The following ARHGAP10 variants were observed in gnomAD, a reference collection of about 807,000 sequenced individuals.
ARHGAP10 encodes Rho GTPase activating protein 10.
Under a neutral mutation model 108.6 loss-of-function variants are expected in ARHGAP10, and 87 were observed. That is an observed-to-expected ratio of 0.80 (90% CI 0.67 to 0.96). The LOEUF is 0.96. Ranked by LOEUF, ARHGAP10 falls within the 40% of genes least tolerant of loss-of-function variation. ARHGAP10 has a pLI of 0.00. For missense variants in ARHGAP10, 939 were observed against 954.5 expected (o/e 0.98, Z 0.21); for synonymous variants, 347 against 341.1 (o/e 1.02, Z -0.19).
At chr4:147,924,334 C>CT (rs1194033606) in intron 13 of ARHGAP10, among the ~76,000 whole-genome samples, 1 of 152,050 alleles carries the variant, frequency 6.6e-6, no homozygotes, top group Non-Finnish European at 1.5e-5. Flanking sequence ...TGTCCAGTGA[C>CT]TGTTTTTTTT....
chr4:147,949,295 C>G (rs1189189737), intron 15 of ARHGAP10, among the ~76,000 whole-genome samples: 6 of 152,190 alleles, frequency 3.9e-5, no homozygotes, highest in Non-Finnish European at 8.8e-5. Flanking sequence ...AAAAATGAAT[C>G]TTGTTACTCC....
At chr4:147,792,493 T>A (rs536154635) in intron 1 of ARHGAP10, among the ~76,000 whole-genome samples, 41 of 152,306 alleles carry the variant, frequency 2.7e-4, no homozygotes, top group Non-Finnish European at 5.4e-4. Context: ...GCTTTATTTA[T>A]AATATAATGA....
intron 19 of ARHGAP10, among the ~76,000 whole-genome samples, chr4:148,035,086 G>A (rs1728314932): frequency 1.3e-5 from 2 of 152,160 alleles, no homozygotes; most frequent in Non-Finnish European, 2.9e-5. Flanking sequence ...GTTGTAACCT[G>A]ATGCCTATTA....
intron 1 of ARHGAP10, among the ~76,000 whole-genome samples, chr4:147,805,622 A>G (rs144893967): frequency 2.0e-5 from 3 of 152,288 alleles, no homozygotes; most frequent in African/African-American, 4.8e-5. Flanking sequence ...TTAAAAAACT[A>G]GTTCTTAGAA....
intron 18 of ARHGAP10, among the ~76,000 whole-genome samples, chr4:148,000,322 A>G (rs1044658570): frequency 1.3e-5 from 2 of 152,126 alleles, no homozygotes; most frequent in Non-Finnish European, 2.9e-5. Flanking sequence ...AATCCAGTCT[A>G]TCATTGATGG....
chr4:147,811,583 CT>C (rs66576812), intron 1 of ARHGAP10, among the ~76,000 whole-genome samples: 100,859 of 148,490 alleles, frequency 0.68, 39,377 homozygotes, highest in Non-Finnish European at 0.86. Context: ...TATGCAATGG[CT>C]TTTTTTAAAA....
intron 18 of ARHGAP10, among the ~76,000 whole-genome samples, chr4:147,992,076 C>G (rs1578767545): frequency 6.6e-6 from 1 of 152,290 alleles, no homozygotes; most frequent in Non-Finnish European, 1.5e-5. Context: ...TCTTATGTCA[C>G]TGGATTAATT....
intron 7 of ARHGAP10, among the ~76,000 whole-genome samples, chr4:147,869,125 T>A (rs1341368691): frequency 6.6e-6 from 1 of 152,110 alleles, no homozygotes; most frequent in Non-Finnish European, 1.5e-5. Context: ...GCCCCTTATT[T>A]AGAGATAATT....
chr4:147,923,564 G>A (rs1441726071), intron 13 of ARHGAP10, among the ~76,000 whole-genome samples: 2 of 152,176 alleles, frequency 1.3e-5, no homozygotes, highest in East Asian at 3.8e-4. Flanking sequence ...GCATTAAAAT[G>A]TCGATCTAGG....
intron 4 of ARHGAP10, among the ~76,000 whole-genome samples, chr4:147,855,604 G>C (rs1304188599): frequency 2.6e-5 from 4 of 151,470 alleles, no homozygotes; most frequent in Admixed American, 2.6e-4. Context: ...CAGAATTTTA[G>C]GTCTGGATCT....
intron 1 of ARHGAP10, among the ~76,000 whole-genome samples, chr4:147,798,029 T>C (rs1430252913): frequency 6.6e-6 from 1 of 152,232 alleles, no homozygotes; most frequent in Non-Finnish European, 1.5e-5. Flanking sequence ...TGACTGATGC[T>C]TCTTTGTCCC....
chr4:148,058,194 T>C (rs191750140), intron 20 of ARHGAP10, among the ~76,000 whole-genome samples: 15 of 152,358 alleles, frequency 9.8e-5, no homozygotes, highest in Admixed American at 4.6e-4. Flanking sequence ...TCTAGACTTA[T>C]GCTGTATGTT....
intron 1 of ARHGAP10, among the ~76,000 whole-genome samples, chr4:147,762,687 G>A (rs185974678): frequency 0.015 from 2,254 of 149,404 alleles, 23 homozygotes; most frequent in Non-Finnish European, 0.024. Context: ...CTGCCACCAC[G>A]CCCGGCTAAT....
intron 18 of ARHGAP10, among the ~76,000 whole-genome samples, chr4:147,992,116 G>A (rs1740299199): frequency 6.6e-6 from 1 of 152,128 alleles, no homozygotes; most frequent in Non-Finnish European, 1.5e-5. Context: ...CCTCAAAAGC[G>A]CTCCTTGTTT....
At chr4:147,879,560 T>C (rs915189926) in intron 9 of ARHGAP10, among the ~76,000 whole-genome samples, 5 of 152,206 alleles carry the variant, frequency 3.3e-5, no homozygotes, top group African/African-American at 1.2e-4. Flanking sequence ...CTAGATTTTT[T>C]TTTTTTTAAG....
intron 3 of ARHGAP10, among the ~76,000 whole-genome samples, chr4:147,845,522 A>G (rs1236816972): frequency 6.6e-6 from 1 of 152,200 alleles, no homozygotes; most frequent in Non-Finnish European, 1.5e-5. Flanking sequence ...TTTTATTGCC[A>G]TGTTGCATGG....
chr4:147,788,915 T>C (rs1731003613), intron 1 of ARHGAP10, among the ~76,000 whole-genome samples: 1 of 152,238 alleles, frequency 6.6e-6, no homozygotes, highest in Non-Finnish European at 1.5e-5. Context: ...CAGGTTTTGG[T>C]TGAAACATCA....
intron 15 of ARHGAP10, among the ~76,000 whole-genome samples, chr4:147,947,791 A>G (rs1235248319): frequency 6.6e-6 from 1 of 152,200 alleles, no homozygotes; most frequent in Non-Finnish European, 1.5e-5. Context: ...ATCAACTTAT[A>G]TGACGTATTT....
intron 3 of ARHGAP10, among the ~76,000 whole-genome samples, chr4:147,833,781 TTGG>T (rs1199460796): frequency 1.3e-5 from 2 of 152,098 alleles, no homozygotes; most frequent in Admixed American, 6.5e-5. Flanking sequence ...TGTTTTACAG[TTGG>T]TGGTGATTAG....
Sources: gnomAD v4.1 joint callset for allele counts (sites outside exome capture counted in the v4.1 genomes callset) on GRCh38, gnomAD v4.1.1 for gene constraint, MANE v1.5 for transcripts, NCBI Gene and HGNC (gene_info 2026-07-23, HGNC 2026-07-21) for gene names.